The following SLC14A2 variants were observed in gnomAD, a reference collection of about 807,000 sequenced individuals.
SLC14A2 encodes solute carrier family 14 member 2.
SLC14A2 carries 91 observed loss-of-function variants against 104.6 expected under a neutral mutation model. That is an observed-to-expected ratio of 0.87 (90% CI 0.73 to 1.04). SLC14A2 has a LOEUF of 1.04. SLC14A2 is among the 50% of genes least tolerant of loss of function. The pLI is 0.00. For synonymous variants in SLC14A2, 476 were observed against 466.4 expected (o/e 1.02, Z -0.27); for missense variants, 1,189 against 1,156.0 (o/e 1.03, Z -0.41).
intron 1 of SLC14A2, among the ~76,000 whole-genome samples, chr18:45,217,620 A>T (rs557259140): frequency 6.6e-6 from 1 of 152,290 alleles, no homozygotes; most frequent in Admixed American, 6.5e-5. Flanking sequence ...CATTTAGCAC[A>T]GTCTTTGTTA....
chr18:45,566,110 G>T (rs2044263035), intron 2 of SLC14A2, among the ~76,000 whole-genome samples: 2 of 152,172 alleles, frequency 1.3e-5, no homozygotes, highest in African/African-American at 2.4e-5. Context: ...TAAAAATGTG[G>T]AATAACCCAA....
At chr18:45,259,219 T>A (rs75044043) in intron 1 of SLC14A2, among the ~76,000 whole-genome samples, 2,438 of 152,340 alleles carry the variant, frequency 0.016, 34 homozygotes, top group Non-Finnish European at 0.023. Context: ...CACTCTGGAA[T>A]AATTTTTAGG....
In SLC14A2 at chr18:45,632,433, A is replaced by G; in HGVS notation, c.605A>G (p.Tyr202Cys). 6.2e-7 allele frequency: 1 copy of G among 1,613,970 alleles called. No homozygotes were observed. The highest frequency in any genetic ancestry group is 8.5e-7 in the Non-Finnish European group (1 of 1,179,934). The change falls in exon 5 of 20, where the codon TAC (tyrosine) becomes TGC (cysteine). Residue 202 changes from tyrosine (Y) to cysteine (C), a missense_variant. Transcript: ENST00000255226. ...GCCGTGTTCTCGGAGAAGTTAGACT[A>G]CTACTGGTGGCTTCTGTTTCCTGTG... ...LMAVFSEKLD[Y>C]YWWLLFPVTF...
chr18:45,414,757 A>AAAAAAAAAATATATAT (rs1360051908), intron 1 of SLC14A2, among the ~76,000 whole-genome samples: 2 of 76,124 alleles, frequency 2.6e-5, no homozygotes, highest in African/African-American at 1.5e-4. Flanking sequence ...AAAAAAAAAA[A>AAAAAAAAAATATATAT]ATATATATAT....
chr18:45,384,434 T>G (rs1407242759), intron 1 of SLC14A2, among the ~76,000 whole-genome samples: 1 of 152,120 alleles, frequency 6.6e-6, no homozygotes, highest in Non-Finnish European at 1.5e-5. Flanking sequence ...GGCTCTAAGA[T>G]TTTCTTTGTT....
At position 45,522,880 on chromosome 18, in the gene SLC14A2, C is replaced by T. The variant is rs185501834; in HGVS notation, c.-35+39558C>T. 5.9e-5 allele frequency among the ~76,000 whole-genome samples: 9 copies of T among 152,134 alleles called. No homozygotes were observed. In the East Asian group the frequency reaches 1.7e-3, roughly 29 times the overall value. ...TGCCTTGGGCAATAGAAGTCAGAGG[C>T]CATTTTGCTGAGGACACCTGGTTTA... On this transcript the variant is annotated intron_variant, in intron 2 of 20. Coordinates refer to the SLC14A2 transcript ENST00000586448.
At chr18:45,250,658 G>C (rs987375876) in intron 1 of SLC14A2, among the ~76,000 whole-genome samples, 6 of 151,884 alleles carry the variant, frequency 4.0e-5, no homozygotes, top group Admixed American at 1.3e-4. Flanking sequence ...CCCACTGAAT[G>C]GTGCTGCCCC....
rs533724461 is a variant in SLC14A2, at chr18:45,461,589, A to G, written c.-124-21644A>G. On this transcript the variant is annotated intron_variant, in intron 1 of 20. Coordinates refer to the SLC14A2 transcript ENST00000586448. ...TGCCTAGAATAGTTTCAGCTCTGTAAAGAGGTCGTTCTGAAGCAAAATCCA... is the reference window on the plus strand; with the variant it reads ...TGCCTAGAATAGTTTCAGCTCTGTAGAGAGGTCGTTCTGAAGCAAAATCCA... Among the ~76,000 whole-genome samples, 51 of 152,320 alleles carry G rather than the reference A, an allele frequency of 3.3e-4. No individual in the cohort carries two copies. In the South Asian group the frequency reaches 0.011, roughly 32 times the overall value.
At chr18:45,541,273 G>C (rs148119838) in intron 2 of SLC14A2, among the ~76,000 whole-genome samples, 4 of 152,348 alleles carry the variant, frequency 2.6e-5, no homozygotes, top group East Asian at 1.9e-4. Flanking sequence ...CTGACAGCAT[G>C]ATGAGCCCCT....
At chr18:45,476,991 T>A (rs575232388) in intron 1 of SLC14A2, among the ~76,000 whole-genome samples, 2 of 152,336 alleles carry the variant, frequency 1.3e-5, no homozygotes, top group African/African-American at 4.8e-5. Flanking sequence ...TGTCAATTCA[T>A]CAAACTCATT....
intron 2 of SLC14A2, among the ~76,000 whole-genome samples, chr18:45,503,408 C>T (rs1482191548): frequency 6.6e-6 from 1 of 152,164 alleles, no homozygotes; most frequent in Non-Finnish European, 1.5e-5. Flanking sequence ...CCACATCCCT[C>T]CCTAGCCAAT....
At chr18:45,403,500 A>C (rs780657610) in intron 1 of SLC14A2, among the ~76,000 whole-genome samples, 10 of 152,178 alleles carry the variant, frequency 6.6e-5, no homozygotes, top group Admixed American at 1.3e-4. Context: ...GGTGCCTCTC[A>C]GACTTTTGCT....
intron 1 of SLC14A2, among the ~76,000 whole-genome samples, chr18:45,323,108 G>C (rs2085201199): frequency 6.6e-6 from 1 of 152,088 alleles, no homozygotes; most frequent in African/African-American, 2.4e-5. Flanking sequence ...ACCTCACAAG[G>C]CTATTTTTTC....
intron 1 of SLC14A2, among the ~76,000 whole-genome samples, chr18:45,231,436 C>T (rs769914338): frequency 2.6e-5 from 4 of 152,164 alleles, no homozygotes; most frequent in Non-Finnish European, 4.4e-5. Flanking sequence ...CCCCTGGCCT[C>T]AAGCGATCTT....
the SLC14A2 span, among the ~76,000 whole-genome samples, chr18:45,187,387 A>C: frequency 6.6e-6 from 1 of 152,270 alleles, no homozygotes; most frequent in Non-Finnish European, 1.5e-5. Context: ...AATAAAGCAA[A>C]GTGTCTGCCA....
chr18:45,457,687 TAAAAA>T (rs3058359), intron 1 of SLC14A2, among the ~76,000 whole-genome samples: 2 of 144,206 alleles, frequency 1.4e-5, no homozygotes, highest in Non-Finnish European at 3.0e-5. Context: ...TTATGGAGGT[TAAAAA>T]AAAAAAAAAA....
At chr18:45,627,610 G>C in intron 4 of SLC14A2, among the ~76,000 whole-genome samples, 1 of 152,216 alleles carries the variant, frequency 6.6e-6, no homozygotes, top group East Asian at 1.9e-4. Context: ...GGAGGACAGT[G>C]TGGGAAGGGG....
intron 1 of SLC14A2, among the ~76,000 whole-genome samples, chr18:45,229,598 T>C (rs1019486372): frequency 2.6e-5 from 4 of 152,124 alleles, no homozygotes; most frequent in Non-Finnish European, 4.4e-5. Context: ...ACCTACACGA[T>C]TGTTTTTGAA....
intron 1 of SLC14A2, among the ~76,000 whole-genome samples, chr18:45,365,584 G>A (rs1290488784): frequency 2.0e-5 from 3 of 152,170 alleles, no homozygotes; most frequent in African/African-American, 7.2e-5. Flanking sequence ...CCTTGCTAGA[G>A]AAGAAACTGA....
Sources: allele counts gnomAD v4.1 joint callset (sites outside exome capture counted in the v4.1 genomes callset), GRCh38; gene constraint gnomAD v4.1.1; transcripts MANE v1.5; gene names NCBI Gene and HGNC (gene_info 2026-07-23, HGNC 2026-07-21).